Variants in HYDIN observed in about 807,000 individuals in gnomAD.
The protein encoded by HYDIN is axonemal central pair apparatus protein HYDIN.
In HYDIN, 132 loss-of-function variants were observed where a neutral mutation model predicts 403.9. That is an observed-to-expected ratio of 0.33 (90% CI 0.28 to 0.38). HYDIN has a LOEUF of 0.38. Among genes scored for constraint, HYDIN ranks in the 10% least tolerant of loss-of-function variants. The probability of loss-of-function intolerance (pLI) is 1.00; values close to 1 mark genes in which losing one functional copy is unlikely to be tolerated. For missense variants in HYDIN, 2,827 were observed against 5,009.5 expected, an observed-to-expected ratio of 0.56 and a Z score of 13.15; for synonymous variants, 1,202 against 1,891.7, an observed-to-expected ratio of 0.64 and a Z score of 9.46.
At chr16:71,189,088 G>A (rs2087293133) in intron 1 of HYDIN, among the ~76,000 whole-genome samples, 1 of 152,126 alleles carries the variant, frequency 6.6e-6, no homozygotes, top group Admixed American at 6.5e-5. Context: ...GTTACAAAGA[G>A]CTAAAAATAT....
At chr16:70,989,765 T>G (rs2079285772) in intron 25 of HYDIN, among the ~76,000 whole-genome samples, 1 of 152,226 alleles carries the variant, frequency 6.6e-6, no homozygotes, top group African/African-American at 2.4e-5. Context: ...GTACCCACTG[T>G]CCAGTTTCCT....
chr16:71,052,230 C>T (rs567193141), intron 18 of HYDIN, among the ~76,000 whole-genome samples: 1 of 152,088 alleles, frequency 6.6e-6, no homozygotes, highest in East Asian at 1.9e-4. Context: ...GTGCCTGATA[C>T]ATAACAAGTG....
At position 70,860,211 on chromosome 16, in the gene HYDIN, C is replaced by T. The variant is rs1369007542; in HGVS notation, c.11991-5G>A. 3 of 1,611,484 alleles carry T rather than the reference C, an allele frequency of 1.9e-6. No homozygotes were observed. Among genetic ancestry groups the T allele is most frequent in the Non-Finnish European group, 8.5e-7 (1 of 1,179,218 alleles). On this transcript the variant is annotated splice_region_variant and splice_polypyrimidine_tract_variant and intron_variant, in intron 70 of 85. Coordinates refer to ENST00000393567, the MANE Select transcript of HYDIN (RefSeq NM_001270974.2). ...GGGTTTAGGATGGTAAAGGTCCTGG[C>T]CAGGGTGGAGAGAATTGACAGAAGA...
rs1431087035 is a variant in HYDIN at position 70,928,206 on chromosome 16, A to G, written c.7159-6989T>C. Among the ~76,000 whole-genome samples, 21 of 152,228 alleles carry G rather than the reference A, an allele frequency of 1.4e-4. No individual in the cohort carries two copies. The East Asian group carries it at 4.0e-3, about 29-fold the overall frequency. On this transcript the variant is annotated intron_variant, in intron 45 of 85. Coordinates refer to ENST00000393567, the MANE Select transcript of HYDIN (RefSeq NM_001270974.2). Reference sequence around the variant, plus strand: ...TAACTACATTAGCATATAATTTAGAAGAGGGTAGCACTTTGGGAGGCCGAG... The same window carrying G: ...TAACTACATTAGCATATAATTTAGAGGAGGGTAGCACTTTGGGAGGCCGAG...
intron 22 of HYDIN, among the ~76,000 whole-genome samples, chr16:71,019,354 G>T (rs1240708514): frequency 6.6e-6 from 1 of 152,286 alleles, no homozygotes; most frequent in African/African-American, 2.4e-5. Flanking sequence ...AACGATTCTG[G>T]TATTTAACTG....
chr16:70,850,094 T>G (rs2038520137), intron 74 of HYDIN, 147 bp from the exon 75 acceptor site: 1 of 635,494 alleles, frequency 1.6e-6, no homozygotes, highest in Non-Finnish European at 2.8e-6. Context: ...CTTAATGGAG[T>G]CAGATATTCT....
Position 70,868,664 on chromosome 16 carries a change from G to A in HYDIN, c.11216C>T (p.Ala3739Val). The A allele has an allele frequency of 1.2e-6, 2 of 1,614,204 alleles. No individual in the cohort carries two copies. Among genetic ancestry groups the A allele is most frequent in the Non-Finnish European group, 1.7e-6 (2 of 1,180,040 alleles). ...GTCATCCCAGTCGGGGACCTGGTCT[G>A]CAGGGAGCTGAAACATAATCCTGGA... ...KLSRIMFQLPADQVPDWDDRM... is the reference protein window; with the variant it reads ...KLSRIMFQLPVDQVPDWDDRM... Residue 3739 changes from alanine (A) to valine (V), a missense_variant, in exon 66 of 86, where the codon GCA (alanine) becomes GTA (valine). Physicochemically the swap from Ala to Val is moderately conservative, Grantham distance 64. Coordinates refer to ENST00000393567, the MANE Select transcript of HYDIN (RefSeq NM_001270974.2).
rs1218272346 is a variant in HYDIN, at chr16:70,803,119, A to G, written c.*4461T>C. Among the ~76,000 whole-genome samples, 2 of 152,214 alleles carry G rather than the reference A, an allele frequency of 1.3e-5. No homozygotes were observed. Among genetic ancestry groups the G allele is most frequent in the Non-Finnish European group, 2.9e-5 (2 of 68,038 alleles). On this transcript the variant is annotated 3_prime_UTR_variant, in exon 86 of 86. Transcript: ENST00000393567. ...TTCTTAGAGGTGAACTGAATTTCCCAAGGGTAATGATACAGTTTTTAATAA... is the reference window on the plus strand; with the variant it reads ...TTCTTAGAGGTGAACTGAATTTCCCGAGGGTAATGATACAGTTTTTAATAA...
chr16:70,982,685 T>G (rs1262897602), intron 28 of HYDIN, among the ~76,000 whole-genome samples: 1 of 149,126 alleles, frequency 6.7e-6, no homozygotes, highest in African/African-American at 2.5e-5. Flanking sequence ...TATTAGTACA[T>G]CTAGAGCTGC....
Position 70,810,006 on chromosome 16 carries a change from C to A in HYDIN, c.14660G>T (p.Gly4887Val). ...GGGCTGAAATTCAAATGAGAACGTG[C>A]CCTGGAAGAGAAAACAGAGGATCCT... ...SQFVVPANSE[G>V]TFSFEFQPLK... Residue 4887 changes from glycine (G) to valine (V), a missense_variant and splice_region_variant, in exon 85 of 86, where the codon GGC (glycine) becomes GTC (valine). Coordinates refer to ENST00000393567, the MANE Select transcript of HYDIN (RefSeq NM_001270974.2). The A allele has an allele frequency of 6.2e-7, 1 of 1,613,904 alleles. No individual in the cohort carries two copies. Among genetic ancestry groups the A allele is most frequent in the South Asian group, 1.1e-5 (1 of 91,064 alleles).
At chr16:71,022,177 C>T (rs2080520580) in intron 21 of HYDIN, among the ~76,000 whole-genome samples, 1 of 151,996 alleles carries the variant, frequency 6.6e-6, no homozygotes, top group Non-Finnish European at 1.5e-5. Flanking sequence ...TGTGTCACTG[C>T]AGATGGCTTT....
In HYDIN at chr16:70,943,661, C is replaced by G. The variant is rs74024607; in HGVS notation, c.6669+151G>C. ...TGTAGACCGGGCCAGGGTCAGGGGT[C>G]GACAAGAGCTGTCAAAAAGACAAGC... On this transcript the variant is annotated intron_variant, in intron 42 of 85. Coordinates refer to ENST00000393567, the MANE Select transcript of HYDIN (RefSeq NM_001270974.2). The G allele has an allele frequency of 4.5e-6, 5 of 1,118,474 alleles. No individual in the cohort carries two copies. The Admixed American group carries it at 1.4e-4, about 32-fold the overall frequency. The allele number at this position is 1,118,474 out of a possible 1,614,324, so 69.3% of individuals were successfully genotyped here.
intron 23 of HYDIN, among the ~76,000 whole-genome samples, chr16:70,999,847 G>A (rs944950776): frequency 1.1e-4 from 17 of 152,116 alleles, no homozygotes; most frequent in Non-Finnish European, 1.9e-4. Flanking sequence ...TTGCTGTCAG[G>A]TGAGTAGTGG....
intron 22 of HYDIN, among the ~76,000 whole-genome samples, chr16:71,018,787 G>C (rs1452057632): frequency 2.0e-5 from 3 of 152,298 alleles, no homozygotes; most frequent in Non-Finnish European, 2.9e-5. Context: ...AGTTGTAAAG[G>C]AAAAGTCTAC....
chr16:70,984,940 G>C, intron 28 of HYDIN: 1 of 413,736 alleles, frequency 2.4e-6, no homozygotes, highest in African/African-American at 2.0e-5. Flanking sequence ...AAAATCCATG[G>C]GTTGCATCTG....
intron 5 of HYDIN, among the ~76,000 whole-genome samples, chr16:71,175,154 A>G (rs1375952722): frequency 6.9e-6 from 1 of 144,528 alleles, no homozygotes; most frequent in Non-Finnish European, 1.5e-5. Flanking sequence ...ATCAGTGACA[A>G]CAATACCACC....
chr16:71,045,189 G>T (rs993990676), intron 18 of HYDIN, among the ~76,000 whole-genome samples: 16 of 152,250 alleles, frequency 1.1e-4, no homozygotes, highest in African/African-American at 3.6e-4. Context: ...TATAGGAAAA[G>T]CAGTCCTAAA....
Position 71,009,218 on chromosome 16 carries a change from T to A in HYDIN, c.3644+8911A>T, listed in dbSNP as rs1002668961. The stretch of plus-strand genomic sequence containing the variant: ...CTGAGTCATCTTGCAACCATGTGCA[T>A]ATAGGACCCGACTGAGAATGGAGGT... On this transcript the variant is annotated intron_variant, in intron 23 of 85. Coordinates refer to ENST00000393567, the MANE Select transcript of HYDIN (RefSeq NM_001270974.2). 1.9e-4 allele frequency among the ~76,000 whole-genome samples: 25 copies of A among 129,296 alleles called. 1 individual carries two copies. The highest frequency in any genetic ancestry group is 3.1e-4 in the Non-Finnish European group (20 of 64,200). 84.8% of individuals were successfully genotyped at this position (129,296 alleles called of 152,430 possible).
rs1367858126 is a variant in HYDIN at position 71,069,309 on chromosome 16, A to G, written c.1932T>C (p.Pro644=). The change falls in exon 14 of 86, where the codon CCT becomes CCC. Residue 644 remains proline, a synonymous_variant. Coordinates refer to ENST00000393567, the MANE Select transcript of HYDIN (RefSeq NM_001270974.2). ...SMKPKEFTIS[P]DCGTIRPQGF... ...CCTGGGGGCGAATGGTGCCACAGTC[A>G]GGAGAGATGGTGAATTCTTTTGGTT... 19 of 1,613,674 alleles carry G rather than the reference A, an allele frequency of 1.2e-5. No homozygotes were observed. The highest frequency in any genetic ancestry group is 1.5e-5 in the Non-Finnish European group (18 of 1,179,984).
Sources: allele counts gnomAD v4.1 joint callset (sites outside exome capture counted in the v4.1 genomes callset), GRCh38; gene constraint gnomAD v4.1.1; transcripts MANE v1.5; gene names NCBI Gene and HGNC (gene_info 2026-07-23, HGNC 2026-07-21).